The following EXT1 variants were observed in gnomAD, a reference collection of about 807,000 sequenced individuals.
EXT1 encodes exostosin-1.
In EXT1, 20 loss-of-function variants were observed where a neutral mutation model predicts 82.5. The observed-to-expected ratio is 0.24, with a 90% confidence interval of 0.17 to 0.35. The LOEUF is 0.35. Among genes scored for constraint, EXT1 ranks in the 10% least tolerant of loss-of-function variants. The probability of loss-of-function intolerance (pLI) is 1.00; values close to 1 mark genes in which losing one functional copy is unlikely to be tolerated. For missense variants in EXT1, 757 were observed against 936.5 expected (o/e 0.81, Z 2.50); for synonymous variants, 348 against 350.8 (o/e 0.99, Z 0.09).
chr8:117,829,161 T>C (rs9643118), intron 4 of EXT1, among the ~76,000 whole-genome samples: 149,765 of 152,278 alleles, frequency 0.98, 73,720 homozygotes, highest in Non-Finnish European at 1. Flanking sequence ...TTCTTCAAGC[T>C]TGTAATGCAT....
intron 1 of EXT1, among the ~76,000 whole-genome samples, chr8:117,957,289 A>T (rs977952387): frequency 6.6e-6 from 1 of 152,234 alleles, no homozygotes; most frequent in Non-Finnish European, 1.5e-5. Context: ...AAAGCTGAGG[A>T]TTGGTTAAAT....
intron 4 of EXT1, 91 bp downstream of exon 4, chr8:117,830,139 C>T (rs776247379): frequency 6.4e-7 from 1 of 1,558,624 alleles, no homozygotes; most frequent in Admixed American, 1.7e-5. Flanking sequence ...CCCACTGGAC[C>T]AATCACACAT....
At chr8:118,003,402 TA>T (rs55968975) in intron 1 of EXT1, among the ~76,000 whole-genome samples, 8 of 150,340 alleles carry the variant, frequency 5.3e-5, no homozygotes, top group African/African-American at 1.2e-4. Flanking sequence ...CCTATTGAAA[TA>T]AAAAAAAATT....
intron 1 of EXT1, among the ~76,000 whole-genome samples, chr8:117,980,698 G>GTTTTTT (rs1330631748): frequency 2.3e-5 from 1 of 43,850 alleles, no homozygotes; most frequent in Non-Finnish European, 4.3e-5. Context: ...GGTGTTGGTG[G>GTTTTTT]TTTTTTTTTT....
chr8:117,965,323 A>G (rs1282497328), intron 1 of EXT1, among the ~76,000 whole-genome samples: 2 of 152,198 alleles, frequency 1.3e-5, no homozygotes, highest in Non-Finnish European at 2.9e-5. Context: ...ATTAAAGATC[A>G]GATGGGCTGA....
At chr8:118,077,503 ACCTTAT>A (rs1336599857) in intron 1 of EXT1, among the ~76,000 whole-genome samples, 1 of 152,198 alleles carries the variant, frequency 6.6e-6, no homozygotes, top group African/African-American at 2.4e-5. Flanking sequence ...AAGCAGCATT[ACCTTAT>A]TGCATTTATC....
intron 1 of EXT1, among the ~76,000 whole-genome samples, chr8:118,024,770 GAA>G (rs1182949716): frequency 6.6e-6 from 1 of 152,208 alleles, no homozygotes; most frequent in African/African-American, 2.4e-5. Flanking sequence ...AGAAAGAGGA[GAA>G]AAGTGCTGGA....
At position 117,873,698 on chromosome 8, in the gene EXT1, T is replaced by C. The variant is rs530331664; in HGVS notation, c.963-36497A>G. Among the ~76,000 whole-genome samples the C allele has an allele frequency of 2.6e-5, 4 of 152,266 alleles. No individual in the cohort carries two copies. In the East Asian group the frequency reaches 7.7e-4, roughly 29 times the overall value. ...CTTGAAATCCTGGCCTCATGTGATC[T>C]GCCCGCCTTGGACTCCCAAAGTGCT... On this transcript the variant is annotated intron_variant, in intron 1 of 10. Transcript: ENST00000378204.
chr8:117,824,634 C>T (rs1811980306), intron 4 of EXT1, among the ~76,000 whole-genome samples: 1 of 152,102 alleles, frequency 6.6e-6, no homozygotes, highest in African/African-American at 2.4e-5. Flanking sequence ...TAAAAAGAAA[C>T]TCACTCCTGT....
At chr8:118,099,706 C>T (rs1195741716) in intron 1 of EXT1, among the ~76,000 whole-genome samples, 2 of 152,178 alleles carry the variant, frequency 1.3e-5, no homozygotes, top group Admixed American at 6.5e-5. Context: ...TATCTTCCTG[C>T]TAGGTGGACA....
intron 1 of EXT1, among the ~76,000 whole-genome samples, chr8:118,056,471 C>T (rs1199289063): frequency 6.6e-6 from 1 of 152,138 alleles, no homozygotes; most frequent in Non-Finnish European, 1.5e-5. Flanking sequence ...GATAAACATC[C>T]CCCCTACCCC....
chr8:117,964,361 C>T (rs1814762611), intron 1 of EXT1, among the ~76,000 whole-genome samples: 1 of 152,196 alleles, frequency 6.6e-6, no homozygotes, highest in Non-Finnish European at 1.5e-5. Context: ...TCCCTTCCTC[C>T]TCCCCTCAAG....
At chr8:117,896,865 GGGTTCA>G (rs1563594252) in intron 1 of EXT1, among the ~76,000 whole-genome samples, 1 of 152,122 alleles carries the variant, frequency 6.6e-6, no homozygotes, top group Non-Finnish European at 1.5e-5. Flanking sequence ...CCTCAATGAA[GGGTTCA>G]GGTTCACAGG....
At chr8:117,885,004 C>T (rs1277036133) in intron 1 of EXT1, among the ~76,000 whole-genome samples, 3 of 152,096 alleles carry the variant, frequency 2.0e-5, no homozygotes, top group Non-Finnish European at 4.4e-5. Flanking sequence ...GATTTTTTCC[C>T]GTGAGTGCAG....
At chr8:118,027,400 C>T (rs1241387357) in intron 1 of EXT1, among the ~76,000 whole-genome samples, 1 of 151,688 alleles carries the variant, frequency 6.6e-6, no homozygotes, top group African/African-American at 2.4e-5. Flanking sequence ...TAACTACATT[C>T]TACAAGGGTG....
At chr8:117,839,020 GA>G (rs1052227501) in intron 1 of EXT1, among the ~76,000 whole-genome samples, 1 of 152,146 alleles carries the variant, frequency 6.6e-6, no homozygotes, top group Non-Finnish European at 1.5e-5. Context: ...TTACTTTAGG[GA>G]ATGTGTGGAG....
chr8:118,060,325 C>G (rs189051896), intron 1 of EXT1, among the ~76,000 whole-genome samples: 108 of 152,330 alleles, frequency 7.1e-4, no homozygotes, highest in African/African-American at 2.4e-3. Context: ...GGACCTCCGA[C>G]TTTTTCGAAT....
chr8:117,858,796 A>AGGC lies in EXT1; in HGVS notation c.963-21596_963-21595insGCC, dbSNP rs1328468656. Among the ~76,000 whole-genome samples the AGGC allele has an allele frequency of 6.0e-4, 56 of 93,582 alleles. 1 individual carries two copies. The highest frequency in any genetic ancestry group is 2.3e-3 in the African/African-American group (43 of 18,466). The allele number at this position is 93,582 out of a possible 152,430, so 61.4% of individuals were successfully genotyped here. A position where few individuals can be genotyped will look rare whatever the true frequency, so the allele number is the denominator to read the frequency against. On this transcript the variant is annotated intron_variant, in intron 1 of 10. Coordinates refer to ENST00000378204, the MANE Select transcript of EXT1 (RefSeq NM_000127.3). ...AGGCAGGCAGGCAGGCAGGCAAGGC[A>AGGC]AGGCAAGGCAAGGCAGGAAGGAAGG...
chr8:117,812,812 T>A (rs1417292004), intron 8 of EXT1, 60 bp downstream of exon 8: 1 of 1,428,234 alleles, frequency 7.0e-7, no homozygotes, highest in African/African-American at 1.4e-5. Context: ...ATTAGCATCG[T>A]GCAACATGAG....
Sources: allele counts gnomAD v4.1 joint callset (sites outside exome capture counted in the v4.1 genomes callset), GRCh38; gene constraint gnomAD v4.1.1; transcripts MANE v1.5; gene names NCBI Gene and HGNC (gene_info 2026-07-23, HGNC 2026-07-21).